Variants in RNF213 observed in about 807,000 individuals in gnomAD.
The protein encoded by RNF213 is ring finger protein 213, also known as E3 ubiquitin-protein ligase RNF213.
A neutral mutation model predicts 514.4 loss-of-function variants in RNF213; 341 were observed. The observed-to-expected ratio is 0.66, with a 90% confidence interval of 0.61 to 0.73. The LOEUF (loss-of-function observed/expected upper bound fraction) is 0.73. Among genes scored for constraint, RNF213 ranks in the 30% least tolerant of loss-of-function variants. The pLI is 0.00. For synonymous variants in RNF213, 2,655 were observed against 2,658.2 expected (o/e 1.00, Z 0.04); for missense variants, 5,767 against 6,615.6 (o/e 0.87, Z 4.45).
At chr17:80,316,395 C>G (rs1371033721) in intron 15 of RNF213, 2 of 152,258 alleles carry the variant, frequency 1.3e-5, no homozygotes, top group Admixed American at 6.5e-5. Flanking sequence ...TTGGCCTGAA[C>G]TTTTCAAAAC....
Position 80,313,146 on chromosome 17 carries a change from C to T in RNF213, c.2790C>T (p.Phe930=), listed in dbSNP as rs748865693. Residue 930 remains phenylalanine, a synonymous_variant, in exon 15 of 68, where the codon TTC becomes TTT. Coordinates refer to ENST00000582970, the MANE Select transcript of RNF213 (RefSeq NM_001256071.3). ...TGCTCACATCTTCAGGTGCCTCATT[C>T]ACATACGTCAAGGAAATTGAGGTAG... ...KNMLTSSGAS[F]TYVKEIEVWR... The T allele has an allele frequency of 6.2e-7, 1 of 1,614,114 alleles. No homozygotes were observed. Among genetic ancestry groups the T allele is most frequent in the Non-Finnish European group, 8.5e-7 (1 of 1,180,028 alleles).
Position 80,376,612 on chromosome 17 carries a change from G to A in RNF213, c.13428+69G>A, listed in dbSNP as rs985574708. On this transcript the variant is annotated intron_variant, in intron 52 of 67. Transcript: ENST00000582970. Reference sequence around the variant, plus strand: ...CCCAGAGCTTGTCACTGTAGAGACCGAGCTGCAGCTGTGGGAACTCTTGAG... The same window carrying A: ...CCCAGAGCTTGTCACTGTAGAGACCAAGCTGCAGCTGTGGGAACTCTTGAG... 312 of 1,604,808 alleles carry A rather than the reference G, an allele frequency of 1.9e-4. 1 individual carries two copies. Among genetic ancestry groups the A allele is most frequent in the Middle Eastern group, 3.7e-4 (2 of 5,450 alleles).
At chr17:80,381,139 T>A in intron 56 of RNF213, 152 bp downstream of exon 56, 1 of 843,508 alleles carries the variant, frequency 1.2e-6, no homozygotes, top group South Asian at 1.4e-5. Context: ...CATCTTCATG[T>A]TTCCCCCTGT....
At position 80,345,449 on chromosome 17, in the gene RNF213, A is replaced by C; in HGVS notation, c.7114A>C (p.Lys2372Gln). The C allele has an allele frequency of 6.2e-7, 1 of 1,612,270 alleles. No homozygotes were observed. Among genetic ancestry groups the C allele is most frequent in the Non-Finnish European group, 8.5e-7 (1 of 1,178,706 alleles). ...NVDFDKLPRH[K>Q]KLERLCLTLG... ...CGACTTTGATAAACTGCCCAGACACAAGAAACTTGAGAGGCTCTGCCTGAC... is the reference window on the plus strand; with the variant it reads ...CGACTTTGATAAACTGCCCAGACACCAGAAACTTGAGAGGCTCTGCCTGAC... The change falls in exon 29 of 68, where the codon AAG (lysine) becomes CAG (glutamine). Residue 2372 changes from lysine (K) to glutamine (Q), a missense_variant. Physicochemically the swap from Lys to Gln is moderately conservative, Grantham distance 53. Coordinates refer to ENST00000582970, the MANE Select transcript of RNF213 (RefSeq NM_001256071.3). The surrounding 1 kb of genome is among the most constrained non-coding windows in gnomAD (Gnocchi z 6.0).
intron 3 of RNF213, among the ~76,000 whole-genome samples, chr17:80,283,563 C>T (rs1040204024): frequency 2.0e-5 from 3 of 152,252 alleles, no homozygotes; most frequent in African/African-American, 4.8e-5. Context: ...TGCCCAACCT[C>T]CGTGTGCTGC....
At chr17:80,330,105 G>T (rs112937465) in intron 20 of RNF213, among the ~76,000 whole-genome samples, 1 of 151,948 alleles carries the variant, frequency 6.6e-6, no homozygotes, top group Admixed American at 6.6e-5. Context: ...GTCAGCTTTC[G>T]TATATATATT....
chr17:80,343,222 A>C lies in RNF213; in HGVS notation c.6080A>C (p.Asp2027Ala). 6.2e-7 allele frequency: 1 copy of C among 1,613,828 alleles called. No homozygotes were observed. Among genetic ancestry groups the C allele is most frequent in the Non-Finnish European group, 8.5e-7 (1 of 1,179,916 alleles). ...NVPLKTIRLI[D>A]PQVDESRVLG... ...CCTCTGAAAACAATTCGACTGATCGACCCTCAGGTGGATGAGAGCCGAGTC... is the reference window on the plus strand; with the variant it reads ...CCTCTGAAAACAATTCGACTGATCGCCCCTCAGGTGGATGAGAGCCGAGTC... Residue 2027 changes from aspartate (D) to alanine (A), a missense_variant, in exon 27 of 68, where the codon GAC becomes GCC. This residue lies in a region of RNF213 where 1,377 missense variants were observed against 1,635.2 expected (regional missense o/e 0.84). Coordinates refer to ENST00000582970, the MANE Select transcript of RNF213 (RefSeq NM_001256071.3). This position sits in a 1 kb window ranked among gnomAD's most constrained non-coding sequence, Gnocchi z 4.3.
intron 57 of RNF213, chr17:80,382,311 G>C (rs1242743787): frequency 6.4e-6 from 1 of 156,202 alleles, no homozygotes; most frequent in African/African-American, 2.4e-5. Context: ...GGTTATCTGT[G>C]AGTGGTGGAA....
rs1190311956 is a variant in RNF213 at position 80,295,614 on chromosome 17, A to G, written c.1813A>G (p.Lys605Glu). 9 of 1,614,174 alleles carry G rather than the reference A, an allele frequency of 5.6e-6. No homozygotes were observed. The highest frequency in any genetic ancestry group is 7.6e-6 in the Non-Finnish European group (9 of 1,180,024). The part of the protein sequence containing the change: ...KKHVVPLPDG[K>E]STDFLPVDCP... ...ACACGTGGTACCATTGCCGGACGGA[A>G]AAAGCACGGACTTTTTGCCTGTGGA... Residue 605 changes from lysine (K) to glutamate (E), a missense_variant, in exon 10 of 68, where the codon AAA (lysine) becomes GAA (glutamate). By Grantham distance (56) the Lys-to-Glu change is moderately conservative. Around this residue, in one of 13 missense-constraint regions of RNF213, gnomAD observed 592 missense variants for 673.9 expected, o/e 0.88. Coordinates refer to ENST00000582970, the MANE Select transcript of RNF213 (RefSeq NM_001256071.3).
At chr17:80,295,034 G>C (rs2044883572) in intron 9 of RNF213, 31 bp downstream of exon 9, 2 of 1,613,160 alleles carry the variant, frequency 1.2e-6, no homozygotes, top group South Asian at 1.1e-5. Context: ...TGCTCTACCT[G>C]CTGGGCAGGA....
At chr17:80,319,877 A>C in intron 17 of RNF213, 1 of 1,128,862 alleles carries the variant, frequency 8.9e-7, no homozygotes. Flanking sequence ...TGGACACTTA[A>C]CCCCTGTACA....
intron 3 of RNF213, among the ~76,000 whole-genome samples, chr17:80,280,321 G>A (rs2044214421): frequency 2.0e-5 from 3 of 152,228 alleles, no homozygotes; most frequent in Admixed American, 2.0e-4. Flanking sequence ...CCGTGGAGAG[G>A]TGGGCCCTTC....
At chr17:80,328,535 C>A in intron 20 of RNF213, 58 bp downstream of exon 20, 2 of 1,502,998 alleles carry the variant, frequency 1.3e-6, no homozygotes, top group Non-Finnish European at 1.8e-6. Flanking sequence ...GAGGAGAACA[C>A]AGTAAGAATG....
At position 80,395,317 on chromosome 17, in the gene RNF213, T is replaced by C. The variant is rs1326596357; in HGVS notation, c.*1819T>C. 1 of 152,184 alleles carries C rather than the reference T, an allele frequency of 6.6e-6. No homozygotes were observed. The highest frequency in any genetic ancestry group is 1.5e-5 in the Non-Finnish European group (1 of 68,032). The allele number at this position is 152,184 out of a possible 1,614,324, so 9.4% of individuals were successfully genotyped here. On this transcript the variant is annotated 3_prime_UTR_variant, in exon 68 of 68. Transcript: ENST00000582970. Reference sequence around the variant, plus strand: ...TGGAGTTTTGCTGCTAAAGAACTCTTCTCTCTGGGGGCAGAGCTTCTATTT... The same window carrying C: ...TGGAGTTTTGCTGCTAAAGAACTCTCCTCTCTGGGGGCAGAGCTTCTATTT...
At chr17:80,388,928 G>C (rs2080349013) in intron 64 of RNF213, 1 of 621,898 alleles carries the variant, frequency 1.6e-6, no homozygotes. Flanking sequence ...GGCCATGCCT[G>C]CTGAAGCGGG....
In RNF213 at chr17:80,302,320, T is replaced by A. The variant is rs12051852; in HGVS notation, c.2210+3802T>A. ...AAGAAATAAATGTTTGAGATAGATA[T>A]GCTAATTACCCTGATTTGTACACAT... On this transcript the variant is annotated intron_variant, in intron 11 of 67. Coordinates refer to ENST00000582970, the MANE Select transcript of RNF213 (RefSeq NM_001256071.3). Among the ~76,000 whole-genome samples the A allele has an allele frequency of 7.4e-4, 113 of 152,116 alleles. 2 individuals carry two copies. Among genetic ancestry groups the A allele is most frequent in the African/African-American group, 2.4e-3 (98 of 41,492 alleles).
In RNF213 at chr17:80,317,752, G is replaced by A. The variant is rs891183825; in HGVS notation, c.2901+475G>A. On this transcript the variant is annotated intron_variant, in intron 16 of 67. Transcript: ENST00000582970. The surrounding 1 kb of genome is among the most constrained non-coding windows in gnomAD (Gnocchi z 4.1). ...GTTACAGTGCTCTCTTAGCTCCGCC[G>A]TCTATGGACAGTAGTGTGTTATCAG... Among the ~76,000 whole-genome samples, 6 of 152,186 alleles carry A rather than the reference G, an allele frequency of 3.9e-5. No homozygotes were observed. Among genetic ancestry groups the A allele is most frequent in the Non-Finnish European group, 5.9e-5 (4 of 68,026 alleles).
At chr17:80,290,814 T>C (rs990064967) in intron 7 of RNF213, 86 bp downstream of exon 7, 128 of 1,091,118 alleles carry the variant, frequency 1.2e-4, no homozygotes, top group Non-Finnish European at 1.5e-4. Context: ...AAAAATTTTG[T>C]TTTTTTTTTT....
chr17:80,288,048 G>A lies in RNF213; in HGVS notation c.495G>A (p.Ala165=), dbSNP rs369472436. The change falls in exon 4 of 68, where the codon GCG becomes GCA. Residue 165 remains alanine, a synonymous_variant. Transcript: ENST00000582970. The surrounding 1 kb of genome is among the most constrained non-coding windows in gnomAD (Gnocchi z 4.9). ...CACTGGAGGGTGACGGCCTCTCCGC[G>A]CCCACCGAGGTTGGCGACAGCCCCC... ...TTPLEGDGLS[A]PTEVGDSPLQ... 1.9e-5 allele frequency: 31 copies of A among 1,604,954 alleles called. No individual in the cohort carries two copies. In the Middle Eastern group the frequency reaches 6.6e-4, roughly 34 times the overall value.
Sources: allele counts gnomAD v4.1 joint callset (sites outside exome capture counted in the v4.1 genomes callset), GRCh38; gene constraint gnomAD v4.1.1; regional missense constraint gnomAD v4.1.1; non-coding constraint Gnocchi (gnomAD v3.1); transcripts MANE v1.5; gene names NCBI Gene and HGNC (gene_info 2026-07-23, HGNC 2026-07-21).